The following CELF4 variants were observed in gnomAD, a reference collection of about 807,000 sequenced individuals.
CELF4 encodes CUG-BP- and ETR-3-like factor 4.
CELF4 carries 18 observed loss-of-function variants against 59.9 expected under a neutral mutation model. That is an observed-to-expected ratio of 0.30 (90% CI 0.21 to 0.45). CELF4 has a LOEUF of 0.45. Among genes scored for constraint, CELF4 ranks in the 20% least tolerant of loss-of-function variants. CELF4 has a pLI of 1.00. For missense variants in CELF4, 456 were observed against 689.0 expected (o/e 0.66, Z 3.79); for synonymous variants, 261 against 267.1 (o/e 0.98, Z 0.22).
intron 2 of CELF4, among the ~76,000 whole-genome samples, chr18:37,436,797 GA>G (rs970026955): frequency 6.6e-6 from 1 of 152,144 alleles, no homozygotes; most frequent in African/African-American, 2.4e-5. Flanking sequence ...CTCTGCCCAG[GA>G]GCCCCAGAAT....
chr18:37,303,358 A>C (rs1025697916), intron 3 of CELF4, among the ~76,000 whole-genome samples: 5 of 152,130 alleles, frequency 3.3e-5, no homozygotes, highest in Non-Finnish European at 7.4e-5. Flanking sequence ...CCCACCCTTC[A>C]CTTCCCCACA....
chr18:37,337,033 G>A (rs1268356456), intron 2 of CELF4, among the ~76,000 whole-genome samples: 3 of 152,156 alleles, frequency 2.0e-5, no homozygotes, highest in East Asian at 1.9e-4. Flanking sequence ...CATGCCTGGC[G>A]CTCACAGGCC....
chr18:37,320,796 A>G (rs2097087683), intron 3 of CELF4, among the ~76,000 whole-genome samples: 1 of 152,138 alleles, frequency 6.6e-6, no homozygotes, highest in Non-Finnish European at 1.5e-5. Flanking sequence ...TGGGCCAGGA[A>G]GAGGGCACCT....
chr18:37,411,987 C>T (rs2099466530), intron 2 of CELF4, among the ~76,000 whole-genome samples: 1 of 152,240 alleles, frequency 6.6e-6, no homozygotes, highest in Non-Finnish European at 1.5e-5. Flanking sequence ...TTCCATGGAG[C>T]AGATCCTGAC....
At chr18:37,264,581 T>A in intron 10 of CELF4, 93 bp downstream of exon 10, 1 of 1,083,140 alleles carries the variant, frequency 9.2e-7, no homozygotes, top group Middle Eastern at 2.8e-4. Context: ...TGGTCACCTT[T>A]CCAACGCACA....
At chr18:37,430,072 C>T (rs1356378116) in intron 2 of CELF4, among the ~76,000 whole-genome samples, 1 of 152,212 alleles carries the variant, frequency 6.6e-6, no homozygotes, top group Admixed American at 6.5e-5. Flanking sequence ...GCTCTCACTG[C>T]CCACTTCTCT....
Position 37,270,830 on chromosome 18 carries a change from G to T in CELF4, c.1037C>A (p.Pro346Gln), listed in dbSNP as rs745719780. Residue 346 changes from proline to glutamine, a missense_variant, in exon 8 of 13, where the codon CCA (proline) becomes CAA (glutamine). Physicochemically the swap from Pro to Gln is moderately conservative, Grantham distance 76. Coordinates refer to ENST00000420428, the MANE Select transcript of CELF4 (RefSeq NM_020180.4). ...CGCAGCAGGTTGCCCATTGGCCTGT[G>T]GGGGGAGGCCGGTGAAGCCATTCAC... ...IGVNGFTGLP[P>Q]QANGQPAAEA... The T allele has an allele frequency of 2.4e-5, 39 of 1,613,686 alleles. No individual in the cohort carries two copies. The highest frequency in any genetic ancestry group is 2.3e-4 in the African/African-American group (17 of 75,072).
intron 2 of CELF4, among the ~76,000 whole-genome samples, chr18:37,369,770 C>A (rs1251186523): frequency 6.6e-6 from 1 of 152,230 alleles, no homozygotes; most frequent in East Asian, 1.9e-4. Context: ...TAACACCATT[C>A]ACTTTCTGTT....
chr18:37,274,214 C>T, intron 6 of CELF4, 97 bp downstream of exon 6: 1 of 1,547,942 alleles, frequency 6.5e-7, no homozygotes, highest in Non-Finnish European at 8.7e-7. Flanking sequence ...AGGGAGAGGG[C>T]AAGGGATAGA....
chr18:37,419,840 A>C (rs954120104), intron 2 of CELF4, among the ~76,000 whole-genome samples: 1 of 152,162 alleles, frequency 6.6e-6, no homozygotes, highest in Admixed American at 6.5e-5. Context: ...GCTCCTCAGG[A>C]GACCCTCAGC....
At chr18:37,395,242 C>T (rs2099228663) in intron 2 of CELF4, among the ~76,000 whole-genome samples, 1 of 152,096 alleles carries the variant, frequency 6.6e-6, no homozygotes, top group African/African-American at 2.4e-5. Context: ...GCACTTACAA[C>T]CCACGGTCCT....
chr18:37,388,701 A>G (rs1347975518), intron 2 of CELF4, among the ~76,000 whole-genome samples: 4 of 152,120 alleles, frequency 2.6e-5, no homozygotes, highest in Non-Finnish European at 5.9e-5. Context: ...GGAGAAGCCA[A>G]AAAGTCCAAC....
chr18:37,391,593 A>G (rs557847482), intron 2 of CELF4, among the ~76,000 whole-genome samples: 1 of 152,240 alleles, frequency 6.6e-6, no homozygotes, highest in African/African-American at 2.4e-5. Flanking sequence ...CCCCCATCAG[A>G]CCATGCCTTC....
At chr18:37,336,977 A>G (rs1279905363) in intron 2 of CELF4, among the ~76,000 whole-genome samples, 2 of 151,420 alleles carry the variant, frequency 1.3e-5, no homozygotes, top group Non-Finnish European at 2.9e-5. Flanking sequence ...TTTCCATTTC[A>G]TTGTCCCTCC....
chr18:37,379,846 A>C (rs572765481), intron 2 of CELF4, among the ~76,000 whole-genome samples: 1 of 152,142 alleles, frequency 6.6e-6, no homozygotes, highest in African/African-American at 2.4e-5. Flanking sequence ...TGCATGGAGC[A>C]TGGTGTTGGA....
chr18:37,267,020 G>A (rs1325881772), intron 8 of CELF4, among the ~76,000 whole-genome samples: 1 of 152,166 alleles, frequency 6.6e-6, no homozygotes, highest in Non-Finnish European at 1.5e-5. Context: ...GTGGGTGAAA[G>A]AAAGGGCAAG....
intron 1 of CELF4, among the ~76,000 whole-genome samples, chr18:37,533,484 A>T (rs983722568): frequency 2.0e-5 from 3 of 152,168 alleles, no homozygotes; most frequent in African/African-American, 7.2e-5. Flanking sequence ...TCACCTGGTA[A>T]TTCAGGGGCT....
At chr18:37,332,471 G>A (rs1053793226) in intron 2 of CELF4, among the ~76,000 whole-genome samples, 1 of 152,096 alleles carries the variant, frequency 6.6e-6, no homozygotes, top group African/African-American at 2.4e-5. Flanking sequence ...GCTGGCGGGG[G>A]CTGCCTGCTC....
chr18:37,466,515 A>G (rs2099809557), intron 2 of CELF4, among the ~76,000 whole-genome samples: 1 of 152,176 alleles, frequency 6.6e-6, no homozygotes. Flanking sequence ...GAAAGGGCAG[A>G]CAACTTCCAG....
Sources: gnomAD v4.1 joint callset for allele counts (sites outside exome capture counted in the v4.1 genomes callset) on GRCh38, gnomAD v4.1.1 for gene constraint, MANE v1.5 for transcripts, NCBI Gene and HGNC (gene_info 2026-07-23, HGNC 2026-07-21) for gene names.